RELT: variants seen among roughly 807,000 people sequenced by gnomAD.
RELT encodes the protein RELT TNF receptor, also known as tumor necrosis factor receptor superfamily member 19L.
In RELT, 37 loss-of-function variants were observed where a neutral mutation model predicts 51.1. That is an observed-to-expected ratio of 0.72 (90% confidence interval 0.56 to 0.95). The LOEUF is 0.95. Ranked by LOEUF, RELT falls within the 40% of genes least tolerant of loss-of-function variation. The probability of loss-of-function intolerance (pLI) is 0.00; values close to 1 mark genes in which losing one functional copy is unlikely to be tolerated. For missense variants in RELT, 535 were observed against 572.6 expected (o/e 0.93, Z 0.67); for synonymous variants, 241 against 235.7 (o/e 1.02, Z -0.21).
At position 73,388,072 on chromosome 11, in the gene RELT, C is replaced by T. The variant is rs115648219; in HGVS notation, c.-25-1040C>T. ...TGCTGTGTCCGCCTCGTCCACTGGC[C>T]GGAGGCTTCTCCAGAGCAGGCCACC... On this transcript the variant is annotated intron_variant, in intron 1 of 10. Coordinates refer to ENST00000064780, the MANE Select transcript of RELT (RefSeq NM_152222.2). This position sits in a 1 kb window ranked among gnomAD's most constrained non-coding sequence, Gnocchi z 4.1. Among the ~76,000 whole-genome samples, 738 of 152,300 alleles carry T rather than the reference C, an allele frequency of 4.8e-3. 6 individuals carry two copies. The highest frequency in any genetic ancestry group is 0.017 in the African/African-American group (696 of 41,558).
intron 1 of RELT, among the ~76,000 whole-genome samples, chr11:73,384,837 T>C (rs1266890217): frequency 6.6e-6 from 1 of 152,082 alleles, no homozygotes; most frequent in Non-Finnish European, 1.5e-5. Context: ...GGTAATAGGA[T>C]CTGCATGGCA....
At chr11:73,392,901 G>A in intron 6 of RELT, 2 of 1,034,892 alleles carry the variant, frequency 1.9e-6, no homozygotes, top group Non-Finnish European at 2.3e-6. Context: ...AAGGGGCTCG[G>A]GTTTTGGTTC....
In RELT at chr11:73,391,277, A is replaced by G. The variant is rs577378341; in HGVS notation, c.367+54A>G. ...TGCAGGGGTATGTGCGGGAGGGGCC[A>G]GTGAGTTGGAGCCCAGCAGCCTCTG... On this transcript the variant is annotated intron_variant, in intron 5 of 10. Coordinates refer to ENST00000064780, the MANE Select transcript of RELT (RefSeq NM_152222.2). The G allele has an allele frequency of 1.0e-5, 15 of 1,496,384 alleles. No homozygotes were observed. In the South Asian group the frequency reaches 1.5e-4, roughly 15 times the overall value. The allele number at this position is 1,496,384 out of a possible 1,614,324, so 92.7% of individuals were successfully genotyped here. A position where few individuals can be genotyped will look rare whatever the true frequency, so the allele number is the denominator to read the frequency against.
Position 73,388,722 on chromosome 11 carries a change from C to T in RELT, c.-25-390C>T, listed in dbSNP as rs548454712. 3.8e-4 allele frequency among the ~76,000 whole-genome samples: 58 copies of T among 152,302 alleles called. No homozygotes were observed. Among genetic ancestry groups the T allele is most frequent in the Non-Finnish European group, 7.6e-4 (52 of 68,028 alleles). ...GAGCGCTGGGCTGGAGTGTGGAGGC[C>T]GGGCTGGGGTGTTGGGTGTTGGTTG... On this transcript the variant is annotated intron_variant, in intron 1 of 10. Transcript: ENST00000064780. This position sits in a 1 kb window ranked among gnomAD's most constrained non-coding sequence, Gnocchi z 4.1.
chr11:73,390,490 T>G (rs1472338742), intron 2 of RELT, 61 bp from the exon 3 acceptor site: 1 of 1,474,096 alleles, frequency 6.8e-7, no homozygotes, highest in Admixed American at 1.7e-5. Context: ...GGGGGATAGA[T>G]GACCCCAGAG....
intron 1 of RELT, among the ~76,000 whole-genome samples, chr11:73,387,884 C>G (rs1024711068): frequency 6.6e-6 from 1 of 152,222 alleles, no homozygotes; most frequent in African/African-American, 2.4e-5. Context: ...GAGCCAGTGG[C>G]TGGGTTCCCA....
At position 73,394,829 on chromosome 11, in the gene RELT, C is replaced by G. The variant is rs1005139149; in HGVS notation, c.1046+95C>G. On this transcript the variant is annotated intron_variant, in intron 9 of 10. Transcript: ENST00000064780. The surrounding 1 kb of genome is among the most constrained non-coding windows in gnomAD (Gnocchi z 4.9). The stretch of plus-strand genomic sequence containing the variant: ...GGGCCCCAGCTTGGGCCCTGAGCAC[C>G]CTGCTCAATGGGAGCCCTGCCCTTA... 3.5e-5 allele frequency: 50 copies of G among 1,425,038 alleles called. No individual in the cohort carries two copies. Among genetic ancestry groups the G allele is most frequent in the Non-Finnish European group, 4.5e-5 (47 of 1,052,438 alleles). The allele number at this position is 1,425,038 out of a possible 1,614,324, so 88.3% of individuals were successfully genotyped here.
intron 6 of RELT, chr11:73,393,225 CGTG>C (rs1255064955): frequency 4.0e-6 from 4 of 1,000,716 alleles, no homozygotes; most frequent in Non-Finnish European, 4.8e-6. Context: ...CAGGAGGAAA[CGTG>C]GTGACTCAGG....
At position 73,394,283 on chromosome 11, in the gene RELT, C is replaced by T. The variant is rs148879900; in HGVS notation, c.754C>T (p.Gln252Ter). ...EELLKEYHSKQLVQTSHRPVS... is the reference protein window; with the variant it reads ...EELLKEYHSK ...GCTGCTGAAAGAGTACCACAGCAAACAGCTGGTGCAGACGAGCCACAGGCC... is the reference window on the plus strand; with the variant it reads ...GCTGCTGAAAGAGTACCACAGCAAATAGCTGGTGCAGACGAGCCACAGGCC... The change falls in exon 8 of 11, where the codon CAG (glutamine) becomes TAG (stop). Residue 252 changes from glutamine (Q) to a stop codon, truncating the protein, a stop_gained. Coordinates refer to ENST00000064780, the MANE Select transcript of RELT (RefSeq NM_152222.2). LOFTEE classifies it high-confidence loss of function. The surrounding 1 kb of genome is among the most constrained non-coding windows in gnomAD (Gnocchi z 4.9). The T allele has an allele frequency of 1.2e-6, 2 of 1,612,560 alleles. No individual in the cohort carries two copies. The highest frequency in any genetic ancestry group is 1.7e-5 in the Admixed American group (1 of 59,900).
At chr11:73,391,289 C>A in intron 5 of RELT, 66 bp downstream of exon 5, 1 of 1,427,172 alleles carries the variant, frequency 7.0e-7, no homozygotes, top group Non-Finnish European at 9.7e-7. Context: ...TGAGTTGGAG[C>A]CCAGCAGCCT....
rs1237589835 is a variant in RELT, at chr11:73,396,940, T to C, written c.*1449T>C. The C allele has an allele frequency of 6.6e-6, 1 of 152,270 alleles. No individual in the cohort carries two copies. Among genetic ancestry groups the C allele is most frequent in the Non-Finnish European group, 1.5e-5 (1 of 68,046 alleles). The allele number at this position is 152,270 out of a possible 1,614,324, so 9.4% of individuals were successfully genotyped here. Reference sequence around the variant, plus strand: ...AAAAAGAAGCAGGTGAACTTAATTTTTTTTTAACCCAGTCTATCCAAAATA... The same window carrying C: ...AAAAAGAAGCAGGTGAACTTAATTTCTTTTTAACCCAGTCTATCCAAAATA... On this transcript the variant is annotated 3_prime_UTR_variant, in exon 11 of 11. Transcript: ENST00000064780.
At position 73,394,793 on chromosome 11, in the gene RELT, AG is replaced by A. The variant is rs1866284444; in HGVS notation, c.1046+64del. On this transcript the variant is annotated intron_variant, in intron 9 of 10. Transcript: ENST00000064780. The surrounding 1 kb of genome is among the most constrained non-coding windows in gnomAD (Gnocchi z 4.9). ...AAGACGTGACAGCCTGGGGGCCGGG[AG>A]GGGGAGGCAGGGCCCCAGCTTGGGC... 3.2e-6 allele frequency: 5 copies of A among 1,561,132 alleles called. No homozygotes were observed. In the Admixed American group the frequency reaches 5.2e-5, roughly 16 times the overall value.
At position 73,388,435 on chromosome 11, in the gene RELT, C is replaced by T. The variant is rs1590733998; in HGVS notation, c.-25-677C>T. Among the ~76,000 whole-genome samples, 1 of 152,184 alleles carries T rather than the reference C, an allele frequency of 6.6e-6. No homozygotes were observed. Among genetic ancestry groups the T allele is most frequent in the South Asian group, 2.1e-4 (1 of 4,828 alleles). ...GCTGTGGCCAGACATGTTCCAGCCT[C>T]AAGGGAGGAGTCAGCCTCCCTGGAA... is the stretch of plus-strand genomic sequence containing the variant. On this transcript the variant is annotated intron_variant, in intron 1 of 10. Coordinates refer to ENST00000064780, the MANE Select transcript of RELT (RefSeq NM_152222.2). The surrounding 1 kb of genome is among the most constrained non-coding windows in gnomAD (Gnocchi z 4.1).
At chr11:73,387,194 C>G (rs181928155) in intron 1 of RELT, among the ~76,000 whole-genome samples, 2 of 152,308 alleles carry the variant, frequency 1.3e-5, no homozygotes, top group African/African-American at 4.8e-5. Context: ...CCACCTGCCT[C>G]TGCCTCCCAA....
intron 1 of RELT, among the ~76,000 whole-genome samples, chr11:73,377,873 C>T (rs1277494454): frequency 6.6e-6 from 1 of 151,990 alleles, no homozygotes; most frequent in Admixed American, 6.5e-5. Flanking sequence ...GGGGACACAG[C>T]GGCCCAGGGG....
At position 73,391,172 on chromosome 11, in the gene RELT, G is replaced by A. The variant is rs138200324; in HGVS notation, c.316G>A (p.Val106Ile). 1.9e-5 allele frequency: 31 copies of A among 1,613,812 alleles called. No homozygotes were observed. Among genetic ancestry groups the A allele is most frequent in the African/African-American group, 1.5e-4 (11 of 74,924 alleles). Residue 106 changes from valine (V) to isoleucine (I), a missense_variant, in exon 5 of 11, where the codon GTT becomes ATT. Physicochemically the swap from Val to Ile is conservative, Grantham distance 29. Transcript: ENST00000064780. The stretch of plus-strand genomic sequence containing the variant: ...GTTTGGGCCTTGGGGGGTTCCCCGC[G>A]TTCCATGTCAACCATGTTCCTGGGC... The part of the protein sequence containing the change: ...GWFGPWGVPR[V>I]PCQPCSWAPL...
At chr11:73,393,501 T>A (rs1032587510) in intron 6 of RELT, 8 of 1,246,458 alleles carry the variant, frequency 6.4e-6, no homozygotes, top group African/African-American at 1.5e-5. Context: ...AGCCCACAGC[T>A]CCTTGAGGCT....
chr11:73,395,673 G>A lies in RELT; in HGVS notation c.*182G>A, dbSNP rs779956683. 57 of 634,402 alleles carry A rather than the reference G, an allele frequency of 9.0e-5. No homozygotes were observed. The highest frequency in any genetic ancestry group is 1.3e-4 in the Non-Finnish European group (46 of 350,070). The allele number at this position is 634,402 out of a possible 1,614,324, so 39.3% of individuals were successfully genotyped here. A position where few individuals can be genotyped will look rare whatever the true frequency, so the allele number is the denominator to read the frequency against. Reference sequence around the variant, plus strand: ...CCCAGTGAGGAGGCAGGTGGCCGGCGGGCACTGTGTACAGGAGCAGGCTGA... The same window carrying A: ...CCCAGTGAGGAGGCAGGTGGCCGGCAGGCACTGTGTACAGGAGCAGGCTGA... On this transcript the variant is annotated 3_prime_UTR_variant, in exon 11 of 11. Coordinates refer to ENST00000064780, the MANE Select transcript of RELT (RefSeq NM_152222.2).
At chr11:73,390,991 CT>C (rs1251192891) in intron 4 of RELT, 70 bp downstream of exon 4, 48 of 1,573,244 alleles carry the variant, frequency 3.1e-5, no homozygotes, top group Non-Finnish European at 4.1e-5. Context: ...GGGCCCCAGC[CT>C]TATTGTACCC....
Sources: gnomAD v4.1 joint callset for allele counts (sites outside exome capture counted in the v4.1 genomes callset) on GRCh38, gnomAD v4.1.1 for gene constraint, Gnocchi (gnomAD v3.1) non-coding constraint, MANE v1.5 for transcripts, NCBI Gene and HGNC (gene_info 2026-07-23, HGNC 2026-07-21) for gene names.